Variants in PRDM16 observed in about 807,000 individuals in gnomAD.
The protein encoded by PRDM16 is histone-lysine N-methyltransferase PRDM16.
In PRDM16, 23 loss-of-function variants were observed where a neutral mutation model predicts 110.6. That is an observed-to-expected ratio of 0.21 (90% CI 0.15 to 0.29). The LOEUF is 0.29. Ranked by LOEUF, PRDM16 falls within the 10% of genes least tolerant of loss-of-function variation. The pLI is 1.00. For synonymous variants in PRDM16, 799 were observed against 781.8 expected (o/e 1.02, Z -0.37); for missense variants, 1,615 against 1,794.3 (o/e 0.90, Z 1.81).
chr1:3,395,145 G>A (rs1291780518), intron 4 of PRDM16, among the ~76,000 whole-genome samples: 1 of 152,056 alleles, frequency 6.6e-6, no homozygotes. Flanking sequence ...TCTGGAGTCA[G>A]TTGGGACTGG....
In PRDM16 at chr1:3,283,908, G is replaced by A. The variant is rs1038201412; in HGVS notation, c.438+39771G>A. On this transcript the variant is annotated intron_variant, in intron 3 of 16. Transcript: ENST00000270722. ...CTGCAGGAGCCCAGGTGCCTCCGCGGGAGGAATGTGGCTCAGATTCGGGGG... is the reference window on the plus strand; with the variant it reads ...CTGCAGGAGCCCAGGTGCCTCCGCGAGAGGAATGTGGCTCAGATTCGGGGG... Among the ~76,000 whole-genome samples the A allele has an allele frequency of 2.0e-5, 3 of 152,270 alleles. No individual in the cohort carries two copies. The South Asian group carries it at 6.2e-4, about 31-fold the overall frequency.
chr1:3,376,282 G>A (rs1161034095), intron 3 of PRDM16, among the ~76,000 whole-genome samples: 1 of 152,172 alleles, frequency 6.6e-6, no homozygotes, highest in Non-Finnish European at 1.5e-5. Flanking sequence ...ACAAAGTGTG[G>A]AATTTGGTGA....
chr1:3,405,372 A>T, intron 7 of PRDM16, 123 bp from the exon 8 acceptor site: 1 of 1,146,326 alleles, frequency 8.7e-7, no homozygotes, highest in Non-Finnish European at 1.2e-6. Context: ...CTTGGTGCAG[A>T]CTGCAACGTG....
chr1:3,177,572 G>A lies in PRDM16; in HGVS notation c.38-8553G>A, dbSNP rs115389123. Among the ~76,000 whole-genome samples, 684 of 152,294 alleles carry A rather than the reference G, an allele frequency of 4.5e-3. 10 individuals carry two copies. Among genetic ancestry groups the A allele is most frequent in the African/African-American group, 0.016 (653 of 41,560 alleles). ...CAAGAATGAGCTGGACCACAGTGCCGGCTGCATGCTCCGCGGCCCAGTCAA... is the reference window on the plus strand; with the variant it reads ...CAAGAATGAGCTGGACCACAGTGCCAGCTGCATGCTCCGCGGCCCAGTCAA... On this transcript the variant is annotated intron_variant, in intron 1 of 16. Transcript: ENST00000270722.
At chr1:3,347,100 C>A (rs1193411860) in intron 3 of PRDM16, among the ~76,000 whole-genome samples, 1 of 152,156 alleles carries the variant, frequency 6.6e-6, no homozygotes, top group Non-Finnish European at 1.5e-5. Flanking sequence ...GGTGCCCAGT[C>A]TTTCCGGGGA....
intron 3 of PRDM16, among the ~76,000 whole-genome samples, chr1:3,278,888 A>T (rs1380537401): frequency 6.6e-6 from 1 of 152,182 alleles, no homozygotes; most frequent in Non-Finnish European, 1.5e-5. Flanking sequence ...GCTCCTGCAG[A>T]CACTCAGCGA....
intron 3 of PRDM16, among the ~76,000 whole-genome samples, chr1:3,305,763 C>T (rs1331995453): frequency 6.6e-6 from 1 of 152,262 alleles, no homozygotes; most frequent in African/African-American, 2.4e-5. Flanking sequence ...ATGCATGCCT[C>T]ATCTCCACAG....
At chr1:3,336,650 G>GTC (rs72502773) in intron 3 of PRDM16, among the ~76,000 whole-genome samples, 51,124 of 147,978 alleles carry the variant, frequency 0.35, 9,344 homozygotes, top group East Asian at 0.67. Context: ...GTTGGAGTGA[G>GTC]TGTGTGTATG....
intron 2 of PRDM16, among the ~76,000 whole-genome samples, chr1:3,225,854 C>T (rs1355716324): frequency 2.0e-5 from 3 of 152,192 alleles, no homozygotes; most frequent in South Asian, 2.1e-4. Context: ...GCCGGGGCAG[C>T]CAGATGTGTG....
In PRDM16 at chr1:3,245,622, A is replaced by T. The variant is rs1639774631; in HGVS notation, c.438+1485A>T. On this transcript the variant is annotated intron_variant, in intron 3 of 16. Coordinates refer to ENST00000270722, the MANE Select transcript of PRDM16 (RefSeq NM_022114.4). The surrounding 1 kb of genome is among the most constrained non-coding windows in gnomAD (Gnocchi z 4.7). ...GCTCTCAGTCCCCGCCGTCCACAGG[A>T]TGCCTGAGGTCTTCCTGCACCCACG... 6.6e-6 allele frequency among the ~76,000 whole-genome samples: 1 copy of T among 152,112 alleles called. No individual in the cohort carries two copies. Among genetic ancestry groups the T allele is most frequent in the African/African-American group, 2.4e-5 (1 of 41,398 alleles).
chr1:3,069,355 C>CCCGGGCCGCCGGGCCGGGGA lies in PRDM16; in HGVS notation c.37+59_37+60insCCGGGCCGCCGGGCCGGGGA. 1 of 898,244 alleles carries CCCGGGCCGCCGGGCCGGGGA rather than the reference C, an allele frequency of 1.1e-6. No individual in the cohort carries two copies. Among genetic ancestry groups the CCCGGGCCGCCGGGCCGGGGA allele is most frequent in the African/African-American group, 1.9e-5 (1 of 53,900 alleles). 55.6% of individuals were successfully genotyped at this position (898,244 alleles called of 1,614,324 possible). A position where few individuals can be genotyped will look rare whatever the true frequency, so the allele number is the denominator to read the frequency against. ...CGGGGCCCGGGCCGCCGGGCCGGGG[C>CCCGGGCCGCCGGGCCGGGGA]GCCCGGGCCAGGGGTGCGCGTCGGG... On this transcript the variant is annotated intron_variant, in intron 1 of 16. Coordinates refer to ENST00000270722, the MANE Select transcript of PRDM16 (RefSeq NM_022114.4). This position sits in a 1 kb window ranked among gnomAD's most constrained non-coding sequence, Gnocchi z 6.1.
chr1:3,342,338 G>A (rs1642288465), intron 3 of PRDM16, among the ~76,000 whole-genome samples: 1 of 152,206 alleles, frequency 6.6e-6, no homozygotes, highest in African/African-American at 2.4e-5. Flanking sequence ...GAAGCCCTCT[G>A]GGCAGGTGGG....
At chr1:3,321,512 TTGTG>T (rs544149465) in intron 3 of PRDM16, among the ~76,000 whole-genome samples, 51 of 150,244 alleles carry the variant, frequency 3.4e-4, no homozygotes, top group Admixed American at 1.8e-3. Context: ...GCCTGTATAT[TTGTG>T]TGGGGGTGCA....
intron 3 of PRDM16, among the ~76,000 whole-genome samples, chr1:3,278,394 T>C (rs1640638147): frequency 6.6e-6 from 1 of 152,178 alleles, no homozygotes; most frequent in Non-Finnish European, 1.5e-5. Context: ...TGAACCCCAC[T>C]GCACAGGCAG....
chr1:3,411,415 C>T lies in PRDM16; in HGVS notation c.1218C>T (p.Phe406=), dbSNP rs1465269119. ...CEVCHKSYTQ[F]SNLCRHKRMH... is the part of the protein sequence containing the mutation. ...TCTGCCACAAGTCCTACACGCAGTTCTCCAACCTGTGCCGGCACAAGCGGA... is the reference window on the plus strand; with the variant it reads ...TCTGCCACAAGTCCTACACGCAGTTTTCCAACCTGTGCCGGCACAAGCGGA... Residue 406 remains phenylalanine (F), a synonymous_variant, in exon 9 of 17, where the codon TTC becomes TTT. Coordinates refer to ENST00000270722, the MANE Select transcript of PRDM16 (RefSeq NM_022114.4). 2 of 1,613,958 alleles carry T rather than the reference C, an allele frequency of 1.2e-6. No individual in the cohort carries two copies. The highest frequency in any genetic ancestry group is 1.1e-5 in the South Asian group (1 of 91,076).
intron 1 of PRDM16, among the ~76,000 whole-genome samples, chr1:3,112,778 C>T (rs1348201793): frequency 6.6e-6 from 1 of 152,264 alleles, no homozygotes; most frequent in Non-Finnish European, 1.5e-5. Context: ...TTGGCAAATC[C>T]GTCTGAGGTC....
intron 3 of PRDM16, among the ~76,000 whole-genome samples, chr1:3,292,978 G>A (rs1641010867): frequency 1.3e-5 from 2 of 152,368 alleles, no homozygotes; most frequent in South Asian, 4.1e-4. Flanking sequence ...CTCCGGGCAT[G>A]ACCTCGGACT....
intron 1 of PRDM16, among the ~76,000 whole-genome samples, chr1:3,153,384 G>T (rs2742660): frequency 6.6e-6 from 1 of 152,228 alleles, no homozygotes; most frequent in Non-Finnish European, 1.5e-5. Flanking sequence ...CAGTGTTGAA[G>T]CCACATGGTT....
At chr1:3,413,817 T>C (rs1351195986) in intron 9 of PRDM16, among the ~76,000 whole-genome samples, 1 of 152,212 alleles carries the variant, frequency 6.6e-6, no homozygotes, top group Non-Finnish European at 1.5e-5. Context: ...TGGATAGCCC[T>C]GCCCACGGCC....
Sources: allele counts gnomAD v4.1 joint callset (sites outside exome capture counted in the v4.1 genomes callset), GRCh38; gene constraint gnomAD v4.1.1; non-coding constraint Gnocchi (gnomAD v3.1); transcripts MANE v1.5; gene names NCBI Gene and HGNC (gene_info 2026-07-23, HGNC 2026-07-21).